Variants in EFCAB7 observed in about 807,000 individuals in gnomAD.
The protein encoded by EFCAB7 is EF-hand calcium-binding domain-containing protein 7.
In EFCAB7, 66 loss-of-function variants were observed where a neutral mutation model predicts 77.1. The observed-to-expected ratio is 0.86, with a 90% CI of 0.70 to 1.05. EFCAB7 has a LOEUF of 1.05. Ranked by LOEUF, EFCAB7 falls within the 50% of genes least tolerant of loss-of-function variation. The pLI, the probability that EFCAB7 is intolerant of heterozygous loss-of-function variation, is 0.00. For synonymous variants in EFCAB7, 225 were observed against 243.3 expected (o/e 0.92, Z 0.70); for missense variants, 638 against 730.5 (o/e 0.87, Z 1.46).
Position 63,528,879 on chromosome 1 carries a change from C to A in EFCAB7, c.188-2941C>A, listed in dbSNP as rs192860943. Among the ~76,000 whole-genome samples the A allele has an allele frequency of 5.4e-4, 82 of 152,144 alleles. 1 individual carries two copies. The East Asian group carries it at 0.015, about 28-fold the overall frequency. On this transcript the variant is annotated intron_variant, in intron 2 of 13. Coordinates refer to ENST00000371088, the MANE Select transcript of EFCAB7 (RefSeq NM_032437.4). ...CTCCTTGATTCTTTGAACATTGTTT[C>A]CTTTATTATTAGTAGCAGTAGTGTA...
At chr1:63,569,894 G>T (rs1647216267) in intron 12 of EFCAB7, 1 of 152,086 alleles carries the variant, frequency 6.6e-6, no homozygotes, top group Non-Finnish European at 1.5e-5. Context: ...GGGTTAAAAA[G>T]GTGAAGGGAG....
intron 8 of EFCAB7, 59 bp downstream of exon 8, chr1:63,551,893 G>C: frequency 1.8e-6 from 2 of 1,082,560 alleles, no homozygotes; most frequent in Non-Finnish European, 2.6e-6. Flanking sequence ...TGCAGTTTGG[G>C]GAAAGTATGT....
intron 11 of EFCAB7, among the ~76,000 whole-genome samples, chr1:63,563,689 C>T (rs1281304820): frequency 6.6e-6 from 1 of 152,208 alleles, no homozygotes; most frequent in East Asian, 1.9e-4. Context: ...TGTTCCTCAT[C>T]AGTTGAACAG....
At chr1:63,551,872 A>T in intron 8 of EFCAB7, 38 bp downstream of exon 8, 1 of 1,360,572 alleles carries the variant, frequency 7.3e-7, no homozygotes, top group Non-Finnish European at 1.0e-6. Context: ...ATTTTTAAAT[A>T]TAGTATGAAC....
At chr1:63,533,749 G>A in intron 5 of EFCAB7, 100 bp downstream of exon 5, 1 of 910,472 alleles carries the variant, frequency 1.1e-6, no homozygotes. Context: ...TAAAACAAAT[G>A]AGAATCTAAC....
intron 2 of EFCAB7, among the ~76,000 whole-genome samples, chr1:63,529,350 T>C (rs1244987062): frequency 6.6e-6 from 1 of 152,204 alleles, no homozygotes; most frequent in Admixed American, 6.5e-5. Context: ...GGATTTTTAA[T>C]ATGTTATAAC....
At chr1:63,583,784 A>G in the EFCAB7 span, among the ~76,000 whole-genome samples, 9 of 152,156 alleles carry the variant, frequency 5.9e-5, no homozygotes, top group Admixed American at 3.9e-4. Flanking sequence ...GTCTATAAAG[A>G]TAATACCATT....
At chr1:63,532,777 G>T in intron 4 of EFCAB7, 21 bp downstream of exon 4, 9 of 1,566,994 alleles carry the variant, frequency 5.7e-6, no homozygotes, top group South Asian at 1.2e-5. Flanking sequence ...TCACATTGAT[G>T]TAAATTTACA....
intron 13 of EFCAB7, 56 bp downstream of exon 13, chr1:63,571,184 G>C: frequency 8.9e-7 from 1 of 1,125,426 alleles, no homozygotes; most frequent in Non-Finnish European, 1.3e-6. Flanking sequence ...AAAAAAATTT[G>C]CTATTAATGC....
chr1:63,531,743 T>C (rs1646698948), intron 2 of EFCAB7, 77 bp from the exon 3 acceptor site: 3 of 1,208,184 alleles, frequency 2.5e-6, no homozygotes, highest in East Asian at 2.5e-5. Context: ...TAATACATAA[T>C]GATTTGAAGA....
intron 13 of EFCAB7, among the ~76,000 whole-genome samples, chr1:63,572,120 T>G (rs1647279833): frequency 6.6e-6 from 1 of 152,230 alleles, no homozygotes; most frequent in African/African-American, 2.4e-5. Context: ...AGAGATTATC[T>G]TTTCTGTTTC....
Position 63,532,689 on chromosome 1 carries a change from GAGA to G in EFCAB7, c.425_427del (p.Glu142del), listed in dbSNP as rs770086243. The G allele has an allele frequency of 3.8e-5, 60 of 1,597,158 alleles. No individual in the cohort carries two copies. The highest frequency in any genetic ancestry group is 5.1e-5 in the Non-Finnish European group (60 of 1,174,060). On this transcript the variant is annotated inframe_deletion, in exon 4 of 14. Transcript: ENST00000371088. ...TTTCAGAGAGGTGAGAAGATGACTC[GAGA>G]AGAAGTAAATGCCATAATAAATTTG...
chr1:63,576,835 C>CAAAT (rs964834864), downstream of EFCAB7, among the ~76,000 whole-genome samples: 5 of 143,710 alleles, frequency 3.5e-5, no homozygotes, highest in Non-Finnish European at 3.0e-5. Context: ...GACTCTGTCT[C>CAAAT]AAATAAATAA....
intron 6 of EFCAB7, among the ~76,000 whole-genome samples, chr1:63,543,017 C>A (rs1646848630): frequency 1.3e-5 from 2 of 152,152 alleles, no homozygotes. Flanking sequence ...ATCTGAGAAA[C>A]CATTGCCAGA....
chr1:63,566,912 T>C (rs1473051301), intron 11 of EFCAB7, among the ~76,000 whole-genome samples: 1 of 150,304 alleles, frequency 6.7e-6, no homozygotes, highest in East Asian at 1.9e-4. Flanking sequence ...TATTAAAATA[T>C]TTTTTAAAAC....
chr1:63,538,038 G>A (rs190181995), intron 6 of EFCAB7, among the ~76,000 whole-genome samples: 162 of 152,124 alleles, frequency 1.1e-3, no homozygotes, highest in Non-Finnish European at 2.1e-3. Context: ...TCAGCATTTC[G>A]TTATATATTA....
At chr1:63,534,349 A>G in intron 6 of EFCAB7, 133 bp downstream of exon 6, 1 of 679,960 alleles carries the variant, frequency 1.5e-6, no homozygotes, top group Non-Finnish European at 2.3e-6. Context: ...TGTAATTTCT[A>G]CCTGTAAGCT....
In EFCAB7 at chr1:63,562,056, C is replaced by T. The variant is rs188507285; in HGVS notation, c.1497+199C>T. Among the ~76,000 whole-genome samples, 474 of 151,990 alleles carry T rather than the reference C, an allele frequency of 3.1e-3. 1 individual carries two copies. The highest frequency in any genetic ancestry group is 0.011 in the African/African-American group (443 of 41,474). On this transcript the variant is annotated intron_variant, in intron 11 of 13. Coordinates refer to ENST00000371088, the MANE Select transcript of EFCAB7 (RefSeq NM_032437.4). ...TCACCTGAAATTTAGTTACTGCCAA[C>T]ATTAAAATAATTCAAAGACAAAAGA...
At chr1:63,572,224 C>G (rs1433405645) in intron 13 of EFCAB7, among the ~76,000 whole-genome samples, 3 of 152,180 alleles carry the variant, frequency 2.0e-5, no homozygotes, top group Non-Finnish European at 4.4e-5. Context: ...TTCACACACA[C>G]CAACTGACAG....
Sources: allele counts gnomAD v4.1 joint callset (sites outside exome capture counted in the v4.1 genomes callset), GRCh38; gene constraint gnomAD v4.1.1; transcripts MANE v1.5; gene names NCBI Gene and HGNC (gene_info 2026-07-23, HGNC 2026-07-21).